Variants in LHFPL6 observed in about 807,000 individuals in gnomAD.
The protein encoded by LHFPL6 is LHFPL tetraspan subfamily member 6, also known as LHFPL tetraspan subfamily member 6 protein.
LHFPL6 carries 9 observed loss-of-function variants against 20.6 expected under a neutral mutation model. That is an observed-to-expected ratio of 0.44 (90% CI 0.26 to 0.76). The LOEUF (loss-of-function observed/expected upper bound fraction) is 0.76, where lower values mean the gene tolerates loss of function less well. Ranked by LOEUF, LHFPL6 falls within the 30% of genes least tolerant of loss-of-function variation. The probability of loss-of-function intolerance (pLI) is 0.20; values close to 1 mark genes in which losing one functional copy is unlikely to be tolerated. For missense variants in LHFPL6, 218 were observed against 253.5 expected, an observed-to-expected ratio of 0.86 and a Z score of 0.95; for synonymous variants, 105 against 98.7, an observed-to-expected ratio of 1.06 and a Z score of -0.38.
intron 2 of LHFPL6, among the ~76,000 whole-genome samples, chr13:39,557,565 T>C (rs1378357322): frequency 6.6e-6 from 1 of 152,246 alleles, no homozygotes. Flanking sequence ...CCACCTGCAG[T>C]AGATACGGTG....
intron 3 of LHFPL6, among the ~76,000 whole-genome samples, chr13:39,357,597 C>T (rs1869759711): frequency 6.6e-6 from 1 of 152,150 alleles, no homozygotes; most frequent in East Asian, 1.9e-4. Flanking sequence ...ACCTAGAAAA[C>T]CCTTAAGACT....
chr13:39,552,843 G>A (rs1871180153), intron 2 of LHFPL6, among the ~76,000 whole-genome samples: 1 of 152,058 alleles, frequency 6.6e-6, no homozygotes, highest in Non-Finnish European at 1.5e-5. Context: ...CCTTTTTGGA[G>A]GTGGTGACCA....
At chr13:39,398,940 T>A (rs956810606) in intron 2 of LHFPL6, among the ~76,000 whole-genome samples, 1 of 152,200 alleles carries the variant, frequency 6.6e-6, no homozygotes, top group African/African-American at 2.4e-5. Flanking sequence ...GGAAAAATTG[T>A]CTCCACAAAA....
At chr13:39,422,887 G>A (rs185531114) in intron 2 of LHFPL6, among the ~76,000 whole-genome samples, 94 of 152,166 alleles carry the variant, frequency 6.2e-4, no homozygotes, top group African/African-American at 1.4e-3. Flanking sequence ...CAATCATGGC[G>A]GAAGGGGAAG....
At chr13:39,566,490 T>A (rs1871718326) in intron 2 of LHFPL6, among the ~76,000 whole-genome samples, 1 of 151,982 alleles carries the variant, frequency 6.6e-6, no homozygotes, top group Non-Finnish European at 1.5e-5. Flanking sequence ...CCTGTAATCC[T>A]AACACTCTGG....
intron 2 of LHFPL6, among the ~76,000 whole-genome samples, chr13:39,406,867 T>C (rs74606683): frequency 0.022 from 3,387 of 152,298 alleles, 124 homozygotes; most frequent in African/African-American, 0.075. Context: ...GTTCAACCAC[T>C]GGGAGTGGTT....
intron 2 of LHFPL6, among the ~76,000 whole-genome samples, chr13:39,504,368 G>A (rs964385050): frequency 6.6e-6 from 1 of 151,918 alleles, no homozygotes; most frequent in African/African-American, 2.4e-5. Context: ...ATCTTAATTC[G>A]ACTGCATATT....
chr13:39,564,407 T>C (rs2138524269), intron 2 of LHFPL6, among the ~76,000 whole-genome samples: 1 of 152,306 alleles, frequency 6.6e-6, no homozygotes, highest in African/African-American at 2.4e-5. Context: ...TGGCCTATGA[T>C]ATCAATACTG....
intron 2 of LHFPL6, among the ~76,000 whole-genome samples, chr13:39,585,330 G>A (rs572559092): frequency 2.0e-5 from 3 of 152,276 alleles, no homozygotes; most frequent in South Asian, 4.2e-4. Flanking sequence ...TCCCAAAAAT[G>A]TGATATGGCA....
intron 2 of LHFPL6, among the ~76,000 whole-genome samples, chr13:39,416,971 T>C (rs190781053): frequency 7.9e-5 from 12 of 152,344 alleles, no homozygotes; most frequent in Non-Finnish European, 1.3e-4. Context: ...AACATGTTTT[T>C]GTTTTAAAAT....
intron 2 of LHFPL6, among the ~76,000 whole-genome samples, chr13:39,428,095 A>T (rs1871691222): frequency 6.6e-6 from 1 of 152,176 alleles, no homozygotes; most frequent in South Asian, 2.1e-4. Flanking sequence ...CATTGGAACT[A>T]TAAGCCAATT....
intron 2 of LHFPL6, among the ~76,000 whole-genome samples, chr13:39,469,724 C>T (rs369846869): frequency 1.3e-5 from 2 of 152,200 alleles, no homozygotes; most frequent in Admixed American, 6.5e-5. Context: ...CATAGAGCTT[C>T]TCAACAATGT....
intron 2 of LHFPL6, among the ~76,000 whole-genome samples, chr13:39,498,284 CT>C (rs1241210893): frequency 2.6e-5 from 4 of 152,132 alleles, no homozygotes; most frequent in African/African-American, 9.7e-5. Context: ...AACTGAAAAC[CT>C]TTTTTGTTTC....
chr13:39,550,671 A>T (rs1415193707), intron 2 of LHFPL6, among the ~76,000 whole-genome samples: 1 of 152,146 alleles, frequency 6.6e-6, no homozygotes, highest in Non-Finnish European at 1.5e-5. Context: ...ATTTCCAGTC[A>T]CAATTATAAA....
chr13:39,447,023 T>G (rs1000392938), intron 2 of LHFPL6, among the ~76,000 whole-genome samples: 1 of 152,218 alleles, frequency 6.6e-6, no homozygotes, highest in Non-Finnish European at 1.5e-5. Flanking sequence ...GACTATTAAA[T>G]GAACAAATTA....
intron 2 of LHFPL6, among the ~76,000 whole-genome samples, chr13:39,447,068 G>T (rs531759060): frequency 2.3e-4 from 35 of 152,244 alleles, no homozygotes; most frequent in Admixed American, 3.9e-4. Context: ...AATCTAAGTT[G>T]GCCTTGTATA....
intron 2 of LHFPL6, among the ~76,000 whole-genome samples, chr13:39,444,324 T>C (rs1927201): frequency 0.47 from 71,544 of 151,990 alleles, 17,658 homozygotes; most frequent in East Asian, 0.83. Context: ...AGCCTGACCA[T>C]GTAAAGAATA....
At chr13:39,598,304 A>G (rs555298953) in intron 2 of LHFPL6, among the ~76,000 whole-genome samples, 1 of 149,810 alleles carries the variant, frequency 6.7e-6, no homozygotes, top group Non-Finnish European at 1.5e-5. Flanking sequence ...TTTTTTGGTC[A>G]TCTGGTCTCC....
chr13:39,582,967 A>C (rs1872334001), intron 2 of LHFPL6, among the ~76,000 whole-genome samples: 1 of 152,190 alleles, frequency 6.6e-6, no homozygotes, highest in South Asian at 2.1e-4. Context: ...ATATTATATT[A>C]AGTCTCAGGT....
Sources: gnomAD v4.1 joint callset for allele counts (sites outside exome capture counted in the v4.1 genomes callset) on GRCh38, gnomAD v4.1.1 for gene constraint, MANE v1.5 for transcripts, NCBI Gene and HGNC (gene_info 2026-07-23, HGNC 2026-07-21) for gene names.